PPP3CA: variants seen among roughly 807,000 people sequenced by gnomAD.
The protein encoded by PPP3CA is protein phosphatase 3 catalytic subunit alpha, also known as CAM-PRP catalytic subunit.
A neutral mutation model predicts 66.5 loss-of-function variants in PPP3CA; 14 were observed. That is an observed-to-expected ratio of 0.21 (90% CI 0.14 to 0.33). PPP3CA has a LOEUF of 0.33. Ranked by LOEUF, PPP3CA falls within the 10% of genes least tolerant of loss-of-function variation. The pLI is 1.00. For synonymous variants in PPP3CA, 232 were observed against 226.2 expected, an observed-to-expected ratio of 1.03 and a Z score of -0.23; for missense variants, 317 against 639.5, an observed-to-expected ratio of 0.50 and a Z score of 5.44.
intron 1 of PPP3CA, among the ~76,000 whole-genome samples, chr4:101,301,926 C>T (rs572871799): frequency 1.3e-5 from 2 of 150,428 alleles, no homozygotes; most frequent in African/African-American, 2.4e-5. Flanking sequence ...TTTATATTTG[C>T]TTTCTGCAAA....
chr4:101,143,713 A>T (rs1301382552), intron 2 of PPP3CA, among the ~76,000 whole-genome samples: 3 of 152,098 alleles, frequency 2.0e-5, no homozygotes, highest in Admixed American at 6.6e-5. Flanking sequence ...CTGGCTTTGT[A>T]ATCTCATCCA....
chr4:101,026,982 A>G (rs1726683860), intron 13 of PPP3CA, among the ~76,000 whole-genome samples: 1 of 152,230 alleles, frequency 6.6e-6, no homozygotes, highest in Non-Finnish European at 1.5e-5. Context: ...CAAAGTGGGA[A>G]TGATATTTGA....
At chr4:101,285,433 C>T (rs538600040) in intron 1 of PPP3CA, among the ~76,000 whole-genome samples, 322 of 152,218 alleles carry the variant, frequency 2.1e-3, no homozygotes, top group Admixed American at 3.8e-3. Flanking sequence ...AACCCCTGTA[C>T]ATATCAAATC....
chr4:101,032,583 C>CAATT (rs769780741), intron 11 of PPP3CA, among the ~76,000 whole-genome samples: 7 of 151,576 alleles, frequency 4.6e-5, no homozygotes, highest in Non-Finnish European at 8.8e-5. Flanking sequence ...TTACATTATC[C>CAATT]AATTAGGGAG....
chr4:101,081,206 A>C (rs1033304636), intron 7 of PPP3CA, among the ~76,000 whole-genome samples: 2 of 152,260 alleles, frequency 1.3e-5, no homozygotes, highest in South Asian at 4.1e-4. Flanking sequence ...GATGCAGTAT[A>C]TACAAGCATT....
intron 1 of PPP3CA, among the ~76,000 whole-genome samples, chr4:101,332,959 T>C (rs891870054): frequency 1.1e-4 from 16 of 152,112 alleles, no homozygotes; most frequent in African/African-American, 3.9e-4. Flanking sequence ...CTAACAGAAA[T>C]ATCTTTTCTT....
intron 1 of PPP3CA, among the ~76,000 whole-genome samples, chr4:101,248,093 G>T (rs1358533750): frequency 1.3e-5 from 2 of 152,160 alleles, no homozygotes; most frequent in Non-Finnish European, 2.9e-5. Flanking sequence ...TTCTAGTCTG[G>T]CCACTATCTG....
At chr4:101,316,714 G>A (rs1728895065) in intron 1 of PPP3CA, among the ~76,000 whole-genome samples, 1 of 152,056 alleles carries the variant, frequency 6.6e-6, no homozygotes, top group Non-Finnish European at 1.5e-5. Context: ...GAATAGCTAG[G>A]TCCAACTATT....
At chr4:101,222,313 G>A (rs1443155394) in intron 1 of PPP3CA, among the ~76,000 whole-genome samples, 1 of 151,466 alleles carries the variant, frequency 6.6e-6, no homozygotes, top group African/African-American at 2.4e-5. Flanking sequence ...ATAAGTGGAC[G>A]CAATTCATTT....
At chr4:101,236,918 G>T (rs2110229624) in intron 1 of PPP3CA, among the ~76,000 whole-genome samples, 1 of 151,248 alleles carries the variant, frequency 6.6e-6, no homozygotes, top group South Asian at 2.1e-4. Flanking sequence ...TCTAGATTTA[G>T]TATCTTCATC....
At chr4:101,177,210 C>G (rs1464902308) in intron 2 of PPP3CA, among the ~76,000 whole-genome samples, 1 of 152,120 alleles carries the variant, frequency 6.6e-6, no homozygotes, top group African/African-American at 2.4e-5. Flanking sequence ...GAGGTTATCT[C>G]TTACTTTGAC....
chr4:101,256,971 G>C (rs1174772384), intron 1 of PPP3CA, among the ~76,000 whole-genome samples: 1 of 152,010 alleles, frequency 6.6e-6, no homozygotes, highest in African/African-American at 2.4e-5. Flanking sequence ...CTGAGGCTGT[G>C]AAAGATTAAC....
intron 8 of PPP3CA, among the ~76,000 whole-genome samples, chr4:101,068,094 C>T (rs1364739325): frequency 6.6e-6 from 1 of 152,130 alleles, no homozygotes; most frequent in Non-Finnish European, 1.5e-5. Flanking sequence ...TTCCTGTTCT[C>T]ACCCTTTTGC....
intron 2 of PPP3CA, among the ~76,000 whole-genome samples, chr4:101,137,884 CA>C (rs34286966): frequency 0.047 from 5,733 of 121,038 alleles, 167 homozygotes; most frequent in Middle Eastern, 0.14. Flanking sequence ...TGTCAGTCCA[CA>C]AAAAAAAAAA....
intron 2 of PPP3CA, among the ~76,000 whole-genome samples, chr4:101,193,386 C>T (rs189475702): frequency 4.5e-4 from 68 of 152,148 alleles, no homozygotes; most frequent in African/African-American, 1.5e-3. Context: ...AGGAAAAATA[C>T]TTTTCTTTAC....
chr4:101,311,741 C>T (rs539143328), intron 1 of PPP3CA, among the ~76,000 whole-genome samples: 15 of 152,280 alleles, frequency 9.9e-5, no homozygotes, highest in African/African-American at 3.6e-4. Context: ...GATCGTGCCA[C>T]TGCACTTCAG....
intron 1 of PPP3CA, among the ~76,000 whole-genome samples, chr4:101,280,261 G>A (rs1727637053): frequency 6.6e-6 from 1 of 152,158 alleles, no homozygotes; most frequent in African/African-American, 2.4e-5. Flanking sequence ...CAGACGTAAG[G>A]AGGTGGGGAG....
rs550587968 is a variant in PPP3CA at position 101,097,992 on chromosome 4, G to A, written c.642+375C>T. ...ACCATAAAATGAGCACAGTTTAATG[G>A]TTATGTTATGATATTTTCCCAAGGG... On this transcript the variant is annotated intron_variant, in intron 5 of 13. Transcript: ENST00000394854. Among the ~76,000 whole-genome samples, 4 of 152,232 alleles carry A rather than the reference G, an allele frequency of 2.6e-5. No homozygotes were observed. In the East Asian group the frequency reaches 7.7e-4, roughly 29 times the overall value.
chr4:101,146,447 C>CTT (rs906744174), intron 2 of PPP3CA, among the ~76,000 whole-genome samples: 6 of 145,220 alleles, frequency 4.1e-5, no homozygotes, highest in Admixed American at 2.1e-4. Context: ...GAAAGAACCA[C>CTT]TTTTTTTTTT....
Sources: gnomAD v4.1 joint callset for allele counts (sites outside exome capture counted in the v4.1 genomes callset) on GRCh38, gnomAD v4.1.1 for gene constraint, MANE v1.5 for transcripts, NCBI Gene and HGNC (gene_info 2026-07-23, HGNC 2026-07-21) for gene names.